Variants in MAU2 observed in about 807,000 individuals in gnomAD.
MAU2 encodes the protein MAU2 sister chromatid cohesion factor.
A neutral mutation model predicts 89.1 loss-of-function variants in MAU2; 9 were observed. The observed-to-expected ratio is 0.10, with a 90% confidence interval of 0.06 to 0.18. The LOEUF is 0.18. Ranked by LOEUF, MAU2 falls within the 10% of genes least tolerant of loss-of-function variation. The pLI, the probability that MAU2 is intolerant of heterozygous loss-of-function variation, is 1.00. For synonymous variants in MAU2, 357 were observed against 343.4 expected, an observed-to-expected ratio of 1.04 and a Z score of -0.44; for missense variants, 425 against 803.5, an observed-to-expected ratio of 0.53 and a Z score of 5.69.
Position 19,356,479 on chromosome 19 carries a change from G to C in MAU2, c.*697G>C. 1 of 206,574 alleles carries C rather than the reference G, an allele frequency of 4.8e-6. No homozygotes were observed. 12.8% of individuals were successfully genotyped at this position (206,574 alleles called of 1,614,324 possible). ...CACGGGTGTGCATGTGGATGCACAC[G>C]GGTGTGCGGTGAAGATCTGTGGAGA... On this transcript the variant is annotated 3_prime_UTR_variant, in exon 19 of 19. Transcript: ENST00000262815.
chr19:19,337,772 C>A (rs2061609181), intron 4 of MAU2, among the ~76,000 whole-genome samples: 1 of 152,176 alleles, frequency 6.6e-6, no homozygotes, highest in Non-Finnish European at 1.5e-5. Context: ...TGCTGGGGCA[C>A]ACCCTCATCC....
chr19:19,342,086 G>T (rs951878849), intron 7 of MAU2, among the ~76,000 whole-genome samples: 1 of 152,290 alleles, frequency 6.6e-6, no homozygotes, highest in South Asian at 2.1e-4. Flanking sequence ...CTGCAGCCAC[G>T]CTTCCCTCAG....
rs1463605216 is a variant in MAU2 at position 19,349,249 on chromosome 19, G to A, written c.1436+17G>A. On this transcript the variant is annotated intron_variant, in intron 15 of 18. Coordinates refer to ENST00000262815, the MANE Select transcript of MAU2 (RefSeq NM_015329.4). Reference sequence around the variant, plus strand: ...CGAGGCCAAGTAAGTGTGGGGCAGAGGGTGGCGTGAGGGCCATGCTCAGGG... The same window carrying A: ...CGAGGCCAAGTAAGTGTGGGGCAGAAGGTGGCGTGAGGGCCATGCTCAGGG... 6.2e-7 allele frequency: 1 copy of A among 1,614,200 alleles called. No homozygotes were observed. Among genetic ancestry groups the A allele is most frequent in the African/African-American group, 1.3e-5 (1 of 75,066 alleles).
At chr19:19,355,445 C>CA (rs2048167011) in intron 18 of MAU2, 54 bp downstream of exon 18, 1 of 1,601,364 alleles carries the variant, frequency 6.2e-7, no homozygotes, top group African/African-American at 1.3e-5. Context: ...TCCCCACCTG[C>CA]AAGAGGAAGG....
rs16996042 is a variant in MAU2, at chr19:19,335,637, C to T, written c.277-81C>T. ...TGGCAGCCTCTGTTCTCAGGACAAC[C>T]TGTGGAAGCCCCAGAGCGAGCCAGT... On this transcript the variant is annotated intron_variant, in intron 1 of 18. Coordinates refer to ENST00000262815, the MANE Select transcript of MAU2 (RefSeq NM_015329.4). The T allele has an allele frequency of 6.9e-3, 10,027 of 1,447,810 alleles. 578 individuals carry two copies. The African/African-American group carries it at 0.12, about 18-fold the overall frequency. 89.7% of individuals were successfully genotyped at this position (1,447,810 alleles called of 1,614,324 possible). A position where few individuals can be genotyped will look rare whatever the true frequency, so the allele number is the denominator to read the frequency against.
chr19:19,334,783 T>C lies in MAU2; in HGVS notation c.277-935T>C, dbSNP rs189266677. ...TTTCAGTGCCTGGAGCACCTCCTGC[T>C]CCCCCTTTTCCTGGAGAACTGGCCC... On this transcript the variant is annotated intron_variant, in intron 1 of 18. Transcript: ENST00000262815. Among the ~76,000 whole-genome samples, 107 of 152,126 alleles carry C rather than the reference T, an allele frequency of 7.0e-4. No homozygotes were observed. In the East Asian group the frequency reaches 0.017, roughly 24 times the overall value.
intron 5 of MAU2, among the ~76,000 whole-genome samples, chr19:19,340,514 C>A (rs901244100): frequency 6.6e-6 from 1 of 151,790 alleles, no homozygotes; most frequent in Non-Finnish European, 1.5e-5. Flanking sequence ...TGGCGGGCGC[C>A]TGTAGTCCCA....
rs759986870 is a variant in MAU2, at chr19:19,336,120, A to T, written c.295-2A>T. 1 of 1,611,436 alleles carries T rather than the reference A, an allele frequency of 6.2e-7. No homozygotes were observed. ...TGTACTTCCTTAACTGGACGTCACTAGATCCCGCAGTTCGAAGATGTTAAA... is the reference window on the plus strand; with the variant it reads ...TGTACTTCCTTAACTGGACGTCACTTGATCCCGCAGTTCGAAGATGTTAAA... On this transcript the variant is annotated splice_acceptor_variant, in intron 2 of 18. Transcript: ENST00000262815. LOFTEE classifies it high-confidence loss of function.
intron 9 of MAU2, 58 bp from the exon 10 acceptor site, chr19:19,343,779 T>TG (rs1316042952): frequency 7.6e-7 from 1 of 1,315,642 alleles, no homozygotes. Flanking sequence ...CACGGTGGGC[T>TG]GGGGGTGGCG....
In MAU2 at chr19:19,321,015, G is replaced by A. The variant is rs746254968; in HGVS notation, c.156G>A (p.Gln52=). Reference sequence around the variant, plus strand: ...TCCGCCTGTGCGTGCACTGCCTGCAGGCCGTGTTCCCCTTCAAGCCGCCGC... The same window carrying A: ...TCCGCCTGTGCGTGCACTGCCTGCAAGCCGTGTTCCCCTTCAAGCCGCCGC... ...PKIRLCVHCL[Q]AVFPFKPPQR... is the part of the protein sequence containing the mutation. The change falls in exon 1 of 19, where the codon CAG becomes CAA. Residue 52 remains glutamine, a synonymous_variant. Transcript: ENST00000262815. The A allele has an allele frequency of 4.3e-6, 7 of 1,612,178 alleles. No individual in the cohort carries two copies. The highest frequency in any genetic ancestry group is 5.9e-6 in the Non-Finnish European group (7 of 1,179,214).
chr19:19,344,308 A>G (rs1599916676), intron 10 of MAU2: 2 of 269,436 alleles, frequency 7.4e-6, no homozygotes, highest in East Asian at 2.1e-4. Flanking sequence ...GTTACTTGAG[A>G]GGCTGAGGCA....
In MAU2 at chr19:19,347,363, G is replaced by C. The variant is rs769464815; in HGVS notation, c.1305G>C (p.Glu435Asp). The C allele has an allele frequency of 1.2e-6, 2 of 1,611,560 alleles. No homozygotes were observed. The highest frequency in any genetic ancestry group is 1.7e-6 in the Non-Finnish European group (2 of 1,178,024). ...VYIREGNRHQ[E>D]VLYSLLERIN... ...TACGGGAAGGAAATAGACACCAAGA[G>C]GTAGTAGGTGACATGCTTCATGTTC... Residue 435 changes from glutamate to aspartate, a missense_variant, in exon 13 of 19, where the codon GAG becomes GAC. This residue lies in a region of MAU2 where 66 missense variants were observed against 129.1 expected (regional missense o/e 0.51). Coordinates refer to ENST00000262815, the MANE Select transcript of MAU2 (RefSeq NM_015329.4).
In MAU2 at chr19:19,332,326, A is replaced by ATTTTTTT. The variant is rs35913129; in HGVS notation, c.277-3374_277-3368dup. Among the ~76,000 whole-genome samples the ATTTTTTT allele has an allele frequency of 1.7e-3, 169 of 101,928 alleles. 10 individuals carry two copies. The East Asian group carries it at 0.048, about 29-fold the overall frequency. 66.9% of individuals were successfully genotyped at this position (101,928 alleles called of 152,430 possible). ...CAGCATGCACCACCATGCCTGGCTG[A>ATTTTTTT]TTTTTTTTTTTTTTTTTTTTTTTTA... On this transcript the variant is annotated intron_variant, in intron 1 of 18. Coordinates refer to ENST00000262815, the MANE Select transcript of MAU2 (RefSeq NM_015329.4).
chr19:19,329,673 TA>T lies in MAU2; in HGVS notation c.277-6035del, dbSNP rs564880650. 1.3e-4 allele frequency among the ~76,000 whole-genome samples: 20 copies of T among 149,976 alleles called. No homozygotes were observed. The South Asian group carries it at 2.7e-3, about 21-fold the overall frequency. ...AGGTGTTGCAAGCAATAGGGTAGTT[TA>T]AAAAAAAAATGATTTTGAGCCAGGC... On this transcript the variant is annotated intron_variant, in intron 1 of 18. Transcript: ENST00000262815.
chr19:19,334,385 C>G, intron 1 of MAU2: 5 of 985,850 alleles, frequency 5.1e-6, no homozygotes, highest in Non-Finnish European at 6.0e-6. Context: ...AGCTGTCCTC[C>G]TGGCCCCCTG....
intron 1 of MAU2, among the ~76,000 whole-genome samples, chr19:19,331,162 TAAGG>T (rs773013656): frequency 1.3e-5 from 2 of 150,004 alleles, no homozygotes; most frequent in African/African-American, 2.5e-5. Flanking sequence ...TTTGCTATCA[TAAGG>T]AAGGAAACAT....
chr19:19,355,792 G>A lies in MAU2; in HGVS notation c.*10G>A, dbSNP rs117386879. ...GGCCAGCCTCCTGTGAGGCCTTGAT[G>A]GGGCCATCCAGCTCCGCAGGGCCTG... On this transcript the variant is annotated 3_prime_UTR_variant, in exon 19 of 19. Coordinates refer to ENST00000262815, the MANE Select transcript of MAU2 (RefSeq NM_015329.4). 3.3e-3 allele frequency: 5,297 copies of A among 1,604,758 alleles called. 92 individuals are homozygous for A. Among genetic ancestry groups the A allele is most frequent in the South Asian group, 0.032 (2,902 of 91,074 alleles).
At chr19:19,349,283 GC>G (rs1568666080) in intron 15 of MAU2, 41 bp from the exon 16 acceptor site, 1 of 1,613,898 alleles carries the variant, frequency 6.2e-7, no homozygotes, top group Non-Finnish European at 8.5e-7. Context: ...GGTAGCCCAG[GC>G]CCCGTCCTGC....
intron 16 of MAU2, among the ~76,000 whole-genome samples, chr19:19,350,899 CAA>C (rs201378778): frequency 1.5e-3 from 208 of 136,674 alleles, no homozygotes; most frequent in Admixed American, 1.4e-3. Context: ...GACTCCATCT[CAA>C]AAAAAAAAAA....
Sources: allele counts gnomAD v4.1 joint callset (sites outside exome capture counted in the v4.1 genomes callset), GRCh38; gene constraint gnomAD v4.1.1; regional missense constraint gnomAD v4.1.1; transcripts MANE v1.5; gene names NCBI Gene and HGNC (gene_info 2026-07-23, HGNC 2026-07-21).